AGBL1: variants seen among roughly 807,000 people sequenced by gnomAD.
AGBL1 encodes cytosolic carboxypeptidase 4.
In AGBL1, 130 loss-of-function variants were observed where a neutral mutation model predicts 118.9. The ratio of observed to expected loss-of-function variants is 1.09; its 90% CI spans 0.95 to 1.26. The LOEUF is 1.26. Ranked by LOEUF, AGBL1 falls within the 50% of genes most tolerant of loss-of-function variation. The pLI is 0.00. For synonymous variants in AGBL1, 555 were observed against 478.9 expected (o/e 1.16, Z -2.08); for missense variants, 1,584 against 1,298.1 (o/e 1.22, Z -3.38).
chr15:86,583,563 C>T (rs2084204161), intron 21 of AGBL1, among the ~76,000 whole-genome samples: 1 of 152,102 alleles, frequency 6.6e-6, no homozygotes, highest in South Asian at 2.1e-4. Context: ...TGTACATTTC[C>T]TTTATCCAGT....
downstream of AGBL1, among the ~76,000 whole-genome samples, chr15:87,030,072 G>A (rs1224085466): frequency 6.6e-6 from 1 of 151,878 alleles, no homozygotes; most frequent in East Asian, 1.9e-4. Flanking sequence ...TTAAAAGGTT[G>A]GATACTTAAA....
intron 17 of AGBL1, among the ~76,000 whole-genome samples, chr15:86,392,916 A>G (rs1275810402): frequency 6.6e-6 from 1 of 152,194 alleles, no homozygotes; most frequent in African/African-American, 2.4e-5. Context: ...GAGATTGTCA[A>G]TTGCAAGAAA....
rs113902642 is a variant in AGBL1 at position 86,197,896 on chromosome 15, TA to T, written c.489-27006del. Among the ~76,000 whole-genome samples the T allele has an allele frequency of 7.3e-3, 1,044 of 143,016 alleles. 6 individuals are homozygous for T. Among genetic ancestry groups the T allele is most frequent in the African/African-American group, 0.014 (537 of 39,532 alleles). The allele number at this position is 143,016 out of a possible 152,430, so 93.8% of individuals were successfully genotyped here. The stretch of plus-strand genomic sequence containing the variant: ...TTCACTGAAAACATGAGCTATTCTT[TA>T]AAAAAAAAAAAGGAAAGACTCCAAA... On this transcript the variant is annotated intron_variant, in intron 5 of 22. Coordinates refer to ENST00000614907, the MANE Select transcript of AGBL1 (RefSeq NM_001386094.1).
intron 21 of AGBL1, among the ~76,000 whole-genome samples, chr15:86,564,710 A>G (rs1265639844): frequency 1.3e-5 from 2 of 152,180 alleles, no homozygotes; most frequent in Non-Finnish European, 1.5e-5. Context: ...CTCCTGGATA[A>G]TATCTTGCAG....
intron 16 of AGBL1, among the ~76,000 whole-genome samples, chr15:86,286,113 T>C (rs2079441877): frequency 7.8e-6 from 1 of 127,616 alleles, no homozygotes; most frequent in Non-Finnish European, 1.7e-5. Context: ...CTTTTTTCTT[T>C]TTCTTTTTTT....
intron 18 of AGBL1, among the ~76,000 whole-genome samples, chr15:86,510,701 C>A (rs1290464292): frequency 1.3e-5 from 2 of 152,030 alleles, no homozygotes; most frequent in East Asian, 1.9e-4. Flanking sequence ...ACTACAGCAG[C>A]CTAGAGGAAG....
chr15:86,298,259 A>ATATATATATATATATATGGTAAC lies in AGBL1; in HGVS notation c.2374+2868_2374+2869insGGTAACTATATATATATATATAT, dbSNP rs1567185658. Among the ~76,000 whole-genome samples, 563 of 95,814 alleles carry ATATATATATATATATATGGTAAC rather than the reference A, an allele frequency of 5.9e-3. 25 individuals are homozygous for ATATATATATATATATATGGTAAC. Among genetic ancestry groups the ATATATATATATATATATGGTAAC allele is most frequent in the Middle Eastern group, 0.014 (3 of 214 alleles). The allele number at this position is 95,814 out of a possible 152,430, so 62.9% of individuals were successfully genotyped here. A position where few individuals can be genotyped will look rare whatever the true frequency, so the allele number is the denominator to read the frequency against. ...GTGTCTGTGTATAATATATATATATATATATATATATATATATATATGGTA... is the reference window on the plus strand; with the variant it reads ...GTGTCTGTGTATAATATATATATATATATATATATATATATATGGTAACTATATATATATATATATATATGGTA... On this transcript the variant is annotated intron_variant, in intron 17 of 22. Coordinates refer to ENST00000614907, the MANE Select transcript of AGBL1 (RefSeq NM_001386094.1).
chr15:86,830,007 T>C (rs1423462945), intron 22 of AGBL1, among the ~76,000 whole-genome samples: 5 of 152,166 alleles, frequency 3.3e-5, no homozygotes, highest in Admixed American at 6.5e-5. Flanking sequence ...TACTTGAGAA[T>C]GATTTAATAC....
At chr15:86,552,936 A>G (rs2083683769) in intron 20 of AGBL1, among the ~76,000 whole-genome samples, 1 of 151,880 alleles carries the variant, frequency 6.6e-6, no homozygotes, top group Non-Finnish European at 1.5e-5. Flanking sequence ...TTTATATAAT[A>G]TGTAATTTAT....
chr15:86,973,955 T>C (rs1237425922), intron 23 of AGBL1, among the ~76,000 whole-genome samples: 25 of 142,896 alleles, frequency 1.7e-4, no homozygotes, highest in African/African-American at 5.3e-4. Flanking sequence ...ATATATTAAA[T>C]ATAAACATAT....
At chr15:86,935,937 C>T (rs956456987) in intron 23 of AGBL1, among the ~76,000 whole-genome samples, 4 of 152,238 alleles carry the variant, frequency 2.6e-5, no homozygotes, top group Admixed American at 2.0e-4. Flanking sequence ...AAAAGATTCG[C>T]AACTGCAGCT....
In AGBL1 at chr15:86,613,827, G is replaced by A. The variant is rs1328187003; in HGVS notation, c.2994+59290G>A. On this transcript the variant is annotated intron_variant, in intron 21 of 22. Coordinates refer to ENST00000614907, the MANE Select transcript of AGBL1 (RefSeq NM_001386094.1). The surrounding 1 kb of genome is among the most constrained non-coding windows in gnomAD (Gnocchi z 4.2). ...CTACTGAATTAGAATATGTAGCATAGTAAGATTCTTGAGTGATCTATATGC... is the reference window on the plus strand; with the variant it reads ...CTACTGAATTAGAATATGTAGCATAATAAGATTCTTGAGTGATCTATATGC... Among the ~76,000 whole-genome samples, 1 of 152,192 alleles carries A rather than the reference G, an allele frequency of 6.6e-6. No homozygotes were observed. Among genetic ancestry groups the A allele is most frequent in the Non-Finnish European group, 1.5e-5 (1 of 68,038 alleles).
At chr15:86,506,926 A>G (rs1271147339) in intron 18 of AGBL1, among the ~76,000 whole-genome samples, 4 of 152,106 alleles carry the variant, frequency 2.6e-5, no homozygotes, top group African/African-American at 9.7e-5. Context: ...TTATTTTGAG[A>G]ATTATTTTCT....
chr15:86,777,547 A>G (rs1407380480), intron 22 of AGBL1, among the ~76,000 whole-genome samples: 2 of 152,058 alleles, frequency 1.3e-5, no homozygotes, highest in Non-Finnish European at 2.9e-5. Flanking sequence ...CTATAACCAC[A>G]TTCAATTTGC....
At chr15:86,201,600 T>A (rs1206715777) in intron 5 of AGBL1, among the ~76,000 whole-genome samples, 1 of 152,138 alleles carries the variant, frequency 6.6e-6, no homozygotes, top group East Asian at 1.9e-4. Flanking sequence ...GAAAGCTTAG[T>A]CAAGAGATTA....
intron 7 of AGBL1, among the ~76,000 whole-genome samples, chr15:86,248,145 C>T (rs940024846): frequency 6.6e-6 from 1 of 152,122 alleles, no homozygotes; most frequent in Admixed American, 6.5e-5. Context: ...GGTGAAACCC[C>T]GTGTTTATTA....
chr15:86,557,349 G>C (rs1221787666), intron 21 of AGBL1, among the ~76,000 whole-genome samples: 3 of 152,192 alleles, frequency 2.0e-5, no homozygotes, highest in Admixed American at 2.0e-4. Flanking sequence ...CACACACGTG[G>C]TGTGTTTGCA....
chr15:86,469,240 T>C (rs192055056), intron 18 of AGBL1, among the ~76,000 whole-genome samples: 2 of 152,322 alleles, frequency 1.3e-5, no homozygotes, highest in African/African-American at 4.8e-5. Flanking sequence ...TCCATTTCCT[T>C]TTCCAATTCC....
At chr15:86,941,290 C>A (rs920877330) in intron 23 of AGBL1, among the ~76,000 whole-genome samples, 3 of 152,154 alleles carry the variant, frequency 2.0e-5, no homozygotes, top group African/African-American at 7.2e-5. Context: ...AAAGCTCAAC[C>A]CTGTCAGGAC....
Sources: gnomAD v4.1 joint callset for allele counts (sites outside exome capture counted in the v4.1 genomes callset) on GRCh38, gnomAD v4.1.1 for gene constraint, Gnocchi (gnomAD v3.1) non-coding constraint, MANE v1.5 for transcripts, NCBI Gene and HGNC (gene_info 2026-07-23, HGNC 2026-07-21) for gene names.